PAMR1: variants seen among roughly 807,000 people sequenced by gnomAD.
PAMR1 encodes the protein inactive serine protease PAMR1.
Under a neutral mutation model 81.8 loss-of-function variants are expected in PAMR1, and 88 were observed. The observed-to-expected ratio is 1.08, with a 90% confidence interval of 0.91 to 1.28. PAMR1 has a LOEUF of 1.28. Among genes scored for constraint, PAMR1 ranks in the 50% most tolerant of loss-of-function variants. The pLI is 0.00. For missense variants in PAMR1, 935 were observed against 919.7 expected (o/e 1.02, Z -0.21); for synonymous variants, 336 against 345.3 (o/e 0.97, Z 0.30).
intron 1 of PAMR1, among the ~76,000 whole-genome samples, chr11:35,500,545 T>C (rs1023597778): frequency 6.6e-5 from 10 of 152,162 alleles, no homozygotes; most frequent in African/African-American, 1.9e-4. Flanking sequence ...CTTAGAATGC[T>C]ATAAGAATGA....
chr11:35,467,158 A>T (rs948857049), intron 6 of PAMR1, among the ~76,000 whole-genome samples: 1 of 152,140 alleles, frequency 6.6e-6, no homozygotes, highest in African/African-American at 2.4e-5. Flanking sequence ...GGAGTAATGT[A>T]CATTCCAGAT....
intron 1 of PAMR1, among the ~76,000 whole-genome samples, chr11:35,501,091 C>G (rs1224497115): frequency 6.7e-6 from 1 of 150,002 alleles, no homozygotes; most frequent in East Asian, 1.9e-4. Flanking sequence ...ATAAATTAAC[C>G]TTAGTTTTCT....
At chr11:35,490,330 C>A (rs1439148985) in intron 3 of PAMR1, among the ~76,000 whole-genome samples, 2 of 152,172 alleles carry the variant, frequency 1.3e-5, no homozygotes, top group Non-Finnish European at 2.9e-5. Flanking sequence ...CCACTCCAAC[C>A]CCATCAAATC....
At chr11:35,501,322 AG>A (rs1279954434) in intron 1 of PAMR1, among the ~76,000 whole-genome samples, 8 of 151,746 alleles carry the variant, frequency 5.3e-5, no homozygotes, top group Non-Finnish European at 7.4e-5. Flanking sequence ...TTGTAGAGAC[AG>A]GGTTTCATCA....
At chr11:35,528,578 C>G (rs1396868064), upstream of PAMR1, among the ~76,000 whole-genome samples, 2 of 152,114 alleles carry the variant, frequency 1.3e-5, no homozygotes, top group Admixed American at 6.5e-5. Flanking sequence ...TAATAAAAAA[C>G]TTTTGTTTGT....
chr11:35,499,809 C>T (rs1336611187), intron 1 of PAMR1, among the ~76,000 whole-genome samples: 1 of 152,070 alleles, frequency 6.6e-6, no homozygotes, highest in Admixed American at 6.5e-5. Context: ...AGGGAATGAC[C>T]CCAGGGAATC....
In PAMR1 at chr11:35,518,159, T is replaced by C. The variant is rs559731876; in HGVS notation, c.73+7354A>G. On this transcript the variant is annotated intron_variant, in intron 1 of 10. Transcript: ENST00000619888. ...ATTGAGAAGCAGGCAGTTAACCCCC[T>C]GGGAGGCAAAAAGCCAGACCAAAAA... is the stretch of plus-strand genomic sequence containing the variant. Among the ~76,000 whole-genome samples the C allele has an allele frequency of 1.4e-4, 22 of 152,024 alleles. 1 individual carries two copies. The South Asian group carries it at 4.2e-3, about 29-fold the overall frequency.
chr11:35,494,338 T>C, intron 1 of PAMR1, 66 bp from the exon 2 acceptor site: 8 of 1,375,442 alleles, frequency 5.8e-6, no homozygotes, highest in South Asian at 1.2e-5. Flanking sequence ...TTTGTTTGTT[T>C]GTTTGTTTGT....
chr11:35,450,670 G>A (rs904956504), intron 6 of PAMR1, among the ~76,000 whole-genome samples: 1 of 152,134 alleles, frequency 6.6e-6, no homozygotes, highest in African/African-American at 2.4e-5. Flanking sequence ...AACATAATAT[G>A]TTATGCTTGA....
chr11:35,525,605 C>G lies in PAMR1; in HGVS notation c.-20G>C, dbSNP rs750765545. 3.7e-6 allele frequency: 6 copies of G among 1,611,994 alleles called. No homozygotes were observed. Among genetic ancestry groups the G allele is most frequent in the Non-Finnish European group, 5.1e-6 (6 of 1,178,792 alleles). On this transcript the variant is annotated 5_prime_UTR_variant, in exon 1 of 11. Coordinates refer to ENST00000619888, the MANE Select transcript of PAMR1 (RefSeq NM_001001991.3). The stretch of plus-strand genomic sequence containing the variant: ...CTCCATCCTTGCCGCGGCTGGTGCC[C>G]GAGCGTCTACTGGGGAGGGAGAGGA...
At chr11:35,506,432 GTGTTT>G (rs1850957457) in intron 1 of PAMR1, among the ~76,000 whole-genome samples, 1 of 106,750 alleles carries the variant, frequency 9.4e-6, no homozygotes, top group Admixed American at 9.0e-5. Flanking sequence ...TTGTTTTTTG[GTGTTT>G]TTTTTTTTCA....
intron 1 of PAMR1, among the ~76,000 whole-genome samples, chr11:35,503,952 T>A (rs1273663436): frequency 1.3e-5 from 2 of 152,164 alleles, no homozygotes; most frequent in African/African-American, 2.4e-5. Context: ...TTGTTCCCAA[T>A]CTTAGAGGGA....
intron 3 of PAMR1, among the ~76,000 whole-genome samples, chr11:35,486,991 G>A (rs367655037): frequency 1.4e-3 from 209 of 152,184 alleles, no homozygotes; most frequent in African/African-American, 4.7e-3. Flanking sequence ...TGTGATGTGC[G>A]CAGAGGCCTT....
chr11:35,471,361 C>T (rs538231649), intron 4 of PAMR1, among the ~76,000 whole-genome samples: 1 of 152,294 alleles, frequency 6.6e-6, no homozygotes, highest in East Asian at 1.9e-4. Flanking sequence ...CCACAGTTTT[C>T]ACAGTGTCCA....
At chr11:35,436,187 T>G in intron 8 of PAMR1, 52 bp from the exon 9 acceptor site, 1 of 1,192,034 alleles carries the variant, frequency 8.4e-7, no homozygotes, top group East Asian at 2.3e-5. Flanking sequence ...AGAAAGTCAC[T>G]GTGGCCTCTT....
chr11:35,497,321 A>G (rs1045510582), intron 1 of PAMR1, among the ~76,000 whole-genome samples: 1 of 152,356 alleles, frequency 6.6e-6, no homozygotes, highest in South Asian at 2.1e-4. Context: ...GAAGCCAAAC[A>G]CAAAAGGACA....
chr11:35,525,789 TG>T, upstream of PAMR1: 1 of 590,940 alleles, frequency 1.7e-6, no homozygotes. Context: ...TCCTCTCTGC[TG>T]CCTTAACCCT....
At chr11:35,502,332 G>A (rs1850863422) in intron 1 of PAMR1, among the ~76,000 whole-genome samples, 1 of 152,084 alleles carries the variant, frequency 6.6e-6, no homozygotes, top group Non-Finnish European at 1.5e-5. Context: ...GTGCCATGAT[G>A]GTTTGCTGCA....
intron 3 of PAMR1, 87 bp downstream of exon 3, chr11:35,491,958 T>A: frequency 1.6e-6 from 2 of 1,246,104 alleles, no homozygotes; most frequent in African/African-American, 1.5e-5. Flanking sequence ...AAAACTCAGA[T>A]TCCAAGGAGA....
Sources: allele counts gnomAD v4.1 joint callset (sites outside exome capture counted in the v4.1 genomes callset), GRCh38; gene constraint gnomAD v4.1.1; transcripts MANE v1.5; gene names NCBI Gene and HGNC (gene_info 2026-07-23, HGNC 2026-07-21).